Variants in ZCCHC14 observed in about 807,000 individuals in gnomAD.
The protein encoded by ZCCHC14 is zinc finger CCHC domain-containing protein 14.
Under a neutral mutation model 85.0 loss-of-function variants are expected in ZCCHC14, and 16 were observed. The observed-to-expected ratio is 0.19, with a 90% CI of 0.13 to 0.29. The LOEUF (loss-of-function observed/expected upper bound fraction) is 0.29, where lower values mean the gene tolerates loss of function less well. Among genes scored for constraint, ZCCHC14 ranks in the 10% least tolerant of loss-of-function variants. The probability of loss-of-function intolerance (pLI) is 1.00; values close to 1 mark genes in which losing one functional copy is unlikely to be tolerated. For synonymous variants in ZCCHC14, 775 were observed against 630.7 expected, an observed-to-expected ratio of 1.23 and a Z score of -3.43; for missense variants, 1,303 against 1,443.5, an observed-to-expected ratio of 0.90 and a Z score of 1.58.
At chr16:87,481,526 CGG>C (rs1315025919) in intron 1 of ZCCHC14, among the ~76,000 whole-genome samples, 164 of 2,420 alleles carry the variant, frequency 0.068, 9 homozygotes, top group Admixed American at 0.15. Context: ...GGGAGAGAAA[CGG>C]GGGGGGGGGG....
intron 2 of ZCCHC14, among the ~76,000 whole-genome samples, chr16:87,437,636 G>T (rs1248335678): frequency 6.6e-6 from 1 of 152,228 alleles, no homozygotes; most frequent in African/African-American, 2.4e-5. Context: ...CCCTCCTGAA[G>T]TAAGAACACG....
chr16:87,474,510 A>G (rs986808939), intron 1 of ZCCHC14: 1 of 152,242 alleles, frequency 6.6e-6, no homozygotes, highest in African/African-American at 2.4e-5. Flanking sequence ...CGTTGGACCA[A>G]TCCTCTTGCA....
rs534703800 is a variant in ZCCHC14 at position 87,482,105 on chromosome 16, G to A, written c.570+9564C>T. Among the ~76,000 whole-genome samples the A allele has an allele frequency of 1.5e-4, 23 of 152,246 alleles. 1 individual carries two copies. The highest frequency in any genetic ancestry group is 1.5e-3 in the South Asian group (7 of 4,824). ...GACCTACCCATGTCCCAACACTGCC[G>A]CACTGGGGATTAAGTTTCTAAGACG... On this transcript the variant is annotated intron_variant, in intron 1 of 12. Transcript: ENST00000671377.
chr16:87,479,416 C>CA (rs35830701), intron 1 of ZCCHC14, among the ~76,000 whole-genome samples: 41,692 of 119,064 alleles, frequency 0.35, 8,035 homozygotes, highest in African/African-American at 0.57. Context: ...GACTACGTCT[C>CA]AAAAAAAAAA....
chr16:87,458,694 G>C (rs1397811878), intron 2 of ZCCHC14, among the ~76,000 whole-genome samples: 1 of 152,202 alleles, frequency 6.6e-6, no homozygotes, highest in Admixed American at 6.5e-5. Context: ...GCCGTGCCAG[G>C]GACGGGGACG....
chr16:87,433,690 G>T (rs947770719), intron 2 of ZCCHC14, among the ~76,000 whole-genome samples: 1 of 151,346 alleles, frequency 6.6e-6, no homozygotes, highest in Non-Finnish European at 1.5e-5. Flanking sequence ...TTTTTGAGAC[G>T]GAGTCTCACT....
At position 87,406,891 on chromosome 16, in the gene ZCCHC14, G is replaced by T. The variant is rs571822578; in HGVS notation, c.*3389C>A. The T allele has an allele frequency of 6.6e-6, 1 of 152,152 alleles. No individual in the cohort carries two copies. Among genetic ancestry groups the T allele is most frequent in the East Asian group, 1.9e-4 (1 of 5,196 alleles). 9.4% of individuals were successfully genotyped at this position (152,152 alleles called of 1,614,324 possible). On this transcript the variant is annotated 3_prime_UTR_variant, in exon 13 of 13. Transcript: ENST00000671377. The stretch of plus-strand genomic sequence containing the variant: ...CATGCTGGAAATGGCAGCCACCCCC[G>T]CTCAGGTCGCACAGGACTCTCCTCT...
At chr16:87,458,493 G>A (rs1484271692) in intron 2 of ZCCHC14, among the ~76,000 whole-genome samples, 2 of 152,186 alleles carry the variant, frequency 1.3e-5, no homozygotes, top group Non-Finnish European at 2.9e-5. Flanking sequence ...AGGAGCCCTC[G>A]CAGGGCTGCA....
rs891322452 is a variant in ZCCHC14, at chr16:87,420,124, G to A, written c.951-247C>T. On this transcript the variant is annotated intron_variant, in intron 5 of 12. Transcript: ENST00000671377. This position sits in a 1 kb window ranked among gnomAD's most constrained non-coding sequence, Gnocchi z 5.0. ...AGGTTGACGACAGCAGTCATGCCCT[G>A]TGACATGAGATCAGTGCCACCCACC... Among the ~76,000 whole-genome samples, 4 of 152,172 alleles carry A rather than the reference G, an allele frequency of 2.6e-5. No individual in the cohort carries two copies. Among genetic ancestry groups the A allele is most frequent in the African/African-American group, 9.7e-5 (4 of 41,446 alleles).
intron 8 of ZCCHC14, among the ~76,000 whole-genome samples, chr16:87,417,127 GA>G (rs1908828337): frequency 6.6e-6 from 1 of 152,206 alleles, no homozygotes; most frequent in African/African-American, 2.4e-5. Context: ...GCTACGCCGA[GA>G]AATGTCTAAA....
chr16:87,487,937 C>A (rs577966503), intron 1 of ZCCHC14, among the ~76,000 whole-genome samples: 2 of 149,564 alleles, frequency 1.3e-5, no homozygotes, highest in Admixed American at 1.3e-4. Context: ...AAAAGACACC[C>A]ATAGAGACAA....
intron 2 of ZCCHC14, among the ~76,000 whole-genome samples, chr16:87,445,747 A>C (rs1910406017): frequency 6.6e-6 from 1 of 152,244 alleles, no homozygotes; most frequent in South Asian, 2.1e-4. Flanking sequence ...ACTGAAGACC[A>C]GGGCAAAACC....
chr16:87,418,561 G>A (rs559545950), intron 7 of ZCCHC14, among the ~76,000 whole-genome samples: 1 of 152,368 alleles, frequency 6.6e-6, no homozygotes, highest in East Asian at 1.9e-4. Context: ...GCTTCTGGGA[G>A]CAGGTTTCTC....
chr16:87,413,885 G>A (rs896870642), intron 10 of ZCCHC14, among the ~76,000 whole-genome samples: 3 of 152,184 alleles, frequency 2.0e-5, no homozygotes, highest in African/African-American at 7.2e-5. Flanking sequence ...TCTCACTGTG[G>A]CAGTTTCTGG....
chr16:87,414,975 G>A (rs928987121), intron 9 of ZCCHC14, among the ~76,000 whole-genome samples: 7 of 152,166 alleles, frequency 4.6e-5, no homozygotes, highest in Non-Finnish European at 7.3e-5. Flanking sequence ...CCAGGTACTT[G>A]GGAGACTGAG....
At chr16:87,415,204 A>G in intron 9 of ZCCHC14, 72 bp downstream of exon 9, 2 of 1,362,468 alleles carry the variant, frequency 1.5e-6, no homozygotes, top group Non-Finnish European at 2.1e-6. Flanking sequence ...TTAGCACTGG[A>G]AGCCTCAGCA....
chr16:87,423,915 CAG>C (rs771081830), intron 3 of ZCCHC14, 34 bp from the exon 4 acceptor site: 78 of 1,608,132 alleles, frequency 4.9e-5, no homozygotes, highest in African/African-American at 6.7e-5. Flanking sequence ...ACCTTAGAAA[CAG>C]ACACCACATA....
chr16:87,421,261 G>A (rs955427051), intron 4 of ZCCHC14, among the ~76,000 whole-genome samples: 2 of 152,200 alleles, frequency 1.3e-5, no homozygotes, highest in African/African-American at 4.8e-5. Flanking sequence ...ACCACTCTCT[G>A]GATCTGAGGA....
At chr16:87,450,508 C>A (rs1376062405) in intron 2 of ZCCHC14, among the ~76,000 whole-genome samples, 1 of 150,424 alleles carries the variant, frequency 6.6e-6, no homozygotes, top group African/African-American at 2.4e-5. Context: ...TTTGTTAGTT[C>A]TTCACAAAGA....
Sources: allele counts gnomAD v4.1 joint callset (sites outside exome capture counted in the v4.1 genomes callset), GRCh38; gene constraint gnomAD v4.1.1; non-coding constraint Gnocchi (gnomAD v3.1); transcripts MANE v1.5; gene names NCBI Gene and HGNC (gene_info 2026-07-23, HGNC 2026-07-21).